CCDC178: variants seen among roughly 807,000 people sequenced by gnomAD.
CCDC178 encodes coiled-coil domain-containing protein 178.
CCDC178 carries 126 observed loss-of-function variants against 117.4 expected under a neutral mutation model. The ratio of observed to expected loss-of-function variants is 1.07; its 90% CI spans 0.93 to 1.24. The LOEUF is 1.24. Among genes scored for constraint, CCDC178 ranks in the 50% most tolerant of loss-of-function variants. The pLI is 0.00. For missense variants in CCDC178, 1,030 were observed against 986.9 expected, an observed-to-expected ratio of 1.04 and a Z score of -0.59; for synonymous variants, 283 against 313.4, an observed-to-expected ratio of 0.90 and a Z score of 1.02.
chr18:33,196,833 T>G (rs1199882904), intron 20 of CCDC178, among the ~76,000 whole-genome samples: 1 of 151,514 alleles, frequency 6.6e-6, no homozygotes, highest in Non-Finnish European at 1.5e-5. Flanking sequence ...AAATGGGGAG[T>G]TTTTTGTTGT....
At chr18:33,375,460 C>T (rs1409660845) in intron 5 of CCDC178, among the ~76,000 whole-genome samples, 1 of 152,134 alleles carries the variant, frequency 6.6e-6, no homozygotes, top group African/African-American at 2.4e-5. Flanking sequence ...TCCTAGACTC[C>T]CATCCTGGCA....
At position 33,346,303 on chromosome 18, in the gene CCDC178, T is replaced by C; in HGVS notation, c.566A>G (p.Lys189Arg). The C allele has an allele frequency of 6.2e-7, 1 of 1,613,952 alleles. No homozygotes were observed. Among genetic ancestry groups the C allele is most frequent in the Non-Finnish European group, 8.5e-7 (1 of 1,179,854 alleles). ...CATATTCTTTCTTGATCTCTGTTGTTTTAAAGCTTCTTCAGCGTCTGCCCG... is the reference window on the plus strand; with the variant it reads ...CATATTCTTTCTTGATCTCTGTTGTCTTAAAGCTTCTTCAGCGTCTGCCCG... ...TDRADAEEAL[K>R]QQRSRKNMIN... Residue 189 changes from lysine to arginine, a missense_variant, in exon 9 of 23, where the codon AAA (lysine) becomes AGA (arginine). By Grantham distance (26) the Lys-to-Arg change is conservative. Transcript: ENST00000383096.
At chr18:33,076,816 C>A (rs1298256865) in intron 21 of CCDC178, among the ~76,000 whole-genome samples, 1 of 152,178 alleles carries the variant, frequency 6.6e-6, no homozygotes, top group Non-Finnish European at 1.5e-5. Flanking sequence ...TTCTCTGCTA[C>A]ATGCTAGCAG....
chr18:33,268,493 C>A (rs2059847224), intron 12 of CCDC178, among the ~76,000 whole-genome samples: 1 of 151,706 alleles, frequency 6.6e-6, no homozygotes, highest in Admixed American at 6.6e-5. Flanking sequence ...GAATAAAAAT[C>A]TAAATGCAAA....
chr18:33,320,291 G>A (rs990116243), intron 11 of CCDC178, among the ~76,000 whole-genome samples: 6 of 152,282 alleles, frequency 3.9e-5, no homozygotes, highest in African/African-American at 1.4e-4. Flanking sequence ...TAGGAAAAGA[G>A]GAAGTCAAAT....
chr18:33,227,548 GTGTGTGTGTATA>G (rs761661314), intron 15 of CCDC178, among the ~76,000 whole-genome samples: 6,339 of 89,040 alleles, frequency 0.071, 207 homozygotes, highest in East Asian at 0.17. Flanking sequence ...GTGTGTGTGT[GTGTGTGTGTATA>G]TATATATATA....
intron 22 of CCDC178, among the ~76,000 whole-genome samples, chr18:32,958,909 G>A (rs191561843): frequency 7.9e-5 from 12 of 152,262 alleles, no homozygotes; most frequent in African/African-American, 2.9e-4. Flanking sequence ...GGAACTCACA[G>A]TTGTCAAGGT....
chr18:33,253,064 C>G (rs2059635595), intron 14 of CCDC178, among the ~76,000 whole-genome samples: 1 of 151,794 alleles, frequency 6.6e-6, no homozygotes, highest in Admixed American at 6.6e-5. Context: ...ATTGTTTGCT[C>G]AAGTCAAATG....
chr18:33,327,780 G>C lies in CCDC178; in HGVS notation c.880-4147C>G, dbSNP rs547263338. Among the ~76,000 whole-genome samples the C allele has an allele frequency of 3.9e-5, 6 of 151,998 alleles. No homozygotes were observed. The East Asian group carries it at 1.2e-3, about 29-fold the overall frequency. On this transcript the variant is annotated intron_variant, in intron 10 of 22. Coordinates refer to ENST00000383096, the MANE Select transcript of CCDC178 (RefSeq NM_001105528.4). ...GATATGTCTATCTGTTCATTACTAT[G>C]AACAGATATATAACAGATATATGTA... is the stretch of plus-strand genomic sequence containing the variant.
intron 20 of CCDC178, among the ~76,000 whole-genome samples, chr18:33,104,862 C>A (rs1454184356): frequency 6.6e-6 from 1 of 151,644 alleles, no homozygotes; most frequent in Non-Finnish European, 1.5e-5. Flanking sequence ...TTTTATAGTT[C>A]TATATAAATA....
intron 3 of CCDC178, among the ~76,000 whole-genome samples, chr18:33,410,124 T>C (rs1054483900): frequency 6.6e-6 from 1 of 152,168 alleles, no homozygotes; most frequent in African/African-American, 2.4e-5. Flanking sequence ...ACTGGATCAT[T>C]TTCTGTTCCA....
intron 9 of CCDC178, among the ~76,000 whole-genome samples, chr18:33,344,057 C>G (rs2144669219): frequency 6.6e-6 from 1 of 151,902 alleles, no homozygotes; most frequent in Middle Eastern, 3.4e-3. Flanking sequence ...GTAATCCCAG[C>G]ACTTTGGGAG....
intron 21 of CCDC178, among the ~76,000 whole-genome samples, chr18:33,036,711 G>A (rs1428789837): frequency 1.3e-5 from 2 of 151,986 alleles, no homozygotes; most frequent in Non-Finnish European, 2.9e-5. Flanking sequence ...AAATAAGGAG[G>A]AGAGTCTGGC....
chr18:33,262,604 T>C (rs2059763857), intron 14 of CCDC178, among the ~76,000 whole-genome samples: 2 of 152,078 alleles, frequency 1.3e-5, no homozygotes, highest in South Asian at 4.1e-4. Flanking sequence ...TGTCACCTGA[T>C]GGCCTGCCAC....
chr18:33,208,985 C>T (rs1231680405), intron 20 of CCDC178, among the ~76,000 whole-genome samples: 1 of 151,882 alleles, frequency 6.6e-6, no homozygotes, highest in African/African-American at 2.4e-5. Flanking sequence ...GGAAAGAACA[C>T]ACAGAGAAAG....
At chr18:33,406,611 G>A (rs1417151829) in intron 3 of CCDC178, among the ~76,000 whole-genome samples, 1 of 151,990 alleles carries the variant, frequency 6.6e-6, no homozygotes, top group East Asian at 1.9e-4. Context: ...AAAACATATA[G>A]TAGATCTCAG....
At chr18:32,983,253 T>C (rs769165987) in intron 21 of CCDC178, 85 of 1,284,090 alleles carry the variant, frequency 6.6e-5, no homozygotes, top group Non-Finnish European at 9.0e-5. Context: ...GATGCACGTG[T>C]ATGCATGGAT....
intron 6 of CCDC178, 118 bp downstream of exon 6, chr18:33,369,932 A>T (rs1285421868): frequency 3.5e-6 from 3 of 846,954 alleles, no homozygotes; most frequent in Middle Eastern, 3.0e-4. Flanking sequence ...AAAGATTCTT[A>T]AAAAGCATTC....
At chr18:33,397,670 G>A (rs1025626402) in intron 3 of CCDC178, among the ~76,000 whole-genome samples, 4 of 151,974 alleles carry the variant, frequency 2.6e-5, no homozygotes, top group Non-Finnish European at 4.4e-5. Context: ...AATTATTTAC[G>A]CACGTCATAA....
Sources: allele counts gnomAD v4.1 joint callset (sites outside exome capture counted in the v4.1 genomes callset), GRCh38; gene constraint gnomAD v4.1.1; transcripts MANE v1.5; gene names NCBI Gene and HGNC (gene_info 2026-07-23, HGNC 2026-07-21).